Variants in STPG2 observed in about 807,000 individuals in gnomAD.
STPG2 encodes sperm tail PG-rich repeat containing 2.
STPG2 carries 56 observed loss-of-function variants against 54.2 expected under a neutral mutation model. The ratio of observed to expected loss-of-function variants is 1.03; its 90% CI spans 0.83 to 1.29. The LOEUF is 1.29. Ranked by LOEUF, STPG2 falls within the 50% of genes most tolerant of loss-of-function variation. The pLI, the probability that STPG2 is intolerant of heterozygous loss-of-function variation, is 0.00. For synonymous variants in STPG2, 200 were observed against 181.8 expected (o/e 1.10, Z -0.81); for missense variants, 596 against 544.9 (o/e 1.09, Z -0.93).
At chr4:97,488,558 A>G (rs2148825839) in intron 4 of STPG2, among the ~76,000 whole-genome samples, 1 of 151,836 alleles carries the variant, frequency 6.6e-6, no homozygotes, top group South Asian at 2.1e-4. Context: ...GTAGTGAAGA[A>G]TCAATGTTTC....
intron 8 of STPG2, among the ~76,000 whole-genome samples, chr4:97,898,517 G>A (rs529799271): frequency 2.0e-5 from 3 of 151,448 alleles, no homozygotes; most frequent in Non-Finnish European, 3.0e-5. Context: ...AATGTCAAAG[G>A]TATGTTATTT....
chr4:97,930,578 C>A (rs1482273336), intron 8 of STPG2, among the ~76,000 whole-genome samples: 1 of 152,244 alleles, frequency 6.6e-6, no homozygotes. Context: ...TTGGTTACTG[C>A]AACCTGGTAG....
intron 9 of STPG2, among the ~76,000 whole-genome samples, chr4:97,802,631 C>T (rs1017479927): frequency 2.0e-5 from 3 of 152,016 alleles, no homozygotes; most frequent in Non-Finnish European, 4.4e-5. Context: ...CCACCACACC[C>T]GGCTAGTTTT....
intron 10 of STPG2, among the ~76,000 whole-genome samples, chr4:97,710,830 G>A (rs1348287896): frequency 6.6e-6 from 1 of 151,942 alleles, no homozygotes; most frequent in Non-Finnish European, 1.5e-5. Context: ...AATTGGTGTT[G>A]AGAAGACAAA....
chr4:97,737,541 G>A (rs1725050829), intron 9 of STPG2, among the ~76,000 whole-genome samples: 1 of 152,198 alleles, frequency 6.6e-6, no homozygotes, highest in South Asian at 2.1e-4. Flanking sequence ...TGAAAGCCAA[G>A]GCTCGAGAAC....
chr4:97,697,607 G>C (rs1723620317), intron 10 of STPG2, among the ~76,000 whole-genome samples: 1 of 152,172 alleles, frequency 6.6e-6, no homozygotes, highest in Admixed American at 6.5e-5. Context: ...AAAACAAAAA[G>C]GGGGAACTTG....
intron 10 of STPG2, among the ~76,000 whole-genome samples, chr4:97,642,792 A>C (rs1721801048): frequency 6.6e-6 from 1 of 151,574 alleles, no homozygotes; most frequent in East Asian, 1.9e-4. Flanking sequence ...GTTATATATT[A>C]ACTTTTCTTA....
rs545093869 is a variant in STPG2 at position 97,925,079 on chromosome 4, T to C, written c.1044+18818A>G. Among the ~76,000 whole-genome samples the C allele has an allele frequency of 4.6e-5, 7 of 152,346 alleles. No homozygotes were observed. In the South Asian group the frequency reaches 1.5e-3, roughly 32 times the overall value. ...AATGTTATCAACCAAAGAGTAAAGA[T>C]AAAATTATTTCTTTGCAAATCTATT... On this transcript the variant is annotated intron_variant, in intron 8 of 10. Coordinates refer to ENST00000295268, the MANE Select transcript of STPG2 (RefSeq NM_174952.3).
chr4:97,505,523 T>C (rs916153445), intron 4 of STPG2, among the ~76,000 whole-genome samples: 2 of 151,898 alleles, frequency 1.3e-5, no homozygotes, highest in South Asian at 2.1e-4. Flanking sequence ...GCAGATTTAA[T>C]TGGATGCATG....
At chr4:97,587,873 T>C (rs1198112732) in intron 10 of STPG2, among the ~76,000 whole-genome samples, 3 of 152,006 alleles carry the variant, frequency 2.0e-5, no homozygotes, top group Non-Finnish European at 1.5e-5. Context: ...CTGATAGCTG[T>C]GGGCATCAGT....
At chr4:97,606,323 T>A (rs1733590444) in intron 10 of STPG2, among the ~76,000 whole-genome samples, 1 of 151,940 alleles carries the variant, frequency 6.6e-6, no homozygotes, top group South Asian at 2.1e-4. Context: ...CTGGTTTCCT[T>A]ACTGAATATG....
intron 5 of STPG2, among the ~76,000 whole-genome samples, chr4:98,103,252 C>T (rs1431031164): frequency 6.6e-6 from 1 of 152,100 alleles, no homozygotes; most frequent in Non-Finnish European, 1.5e-5. Context: ...AAATATTTTA[C>T]TATGACTAAA....
chr4:97,453,345 T>C (rs1157683570), intron 4 of STPG2, among the ~76,000 whole-genome samples: 1 of 152,188 alleles, frequency 6.6e-6, no homozygotes, highest in Non-Finnish European at 1.5e-5. Context: ...ACCCCACACT[T>C]GCTCACACAC....
At chr4:97,678,577 T>C (rs1395548827) in intron 10 of STPG2, among the ~76,000 whole-genome samples, 1 of 152,072 alleles carries the variant, frequency 6.6e-6, no homozygotes. Context: ...ACTATTATCA[T>C]GCCCATTTTA....
intron 10 of STPG2, among the ~76,000 whole-genome samples, chr4:97,586,526 T>G (rs1733002141): frequency 6.6e-6 from 1 of 151,922 alleles, no homozygotes; most frequent in South Asian, 2.1e-4. Flanking sequence ...AGTCAAATCT[T>G]AATCAAACTT....
At chr4:98,008,753 A>G (rs190888293) in intron 5 of STPG2, among the ~76,000 whole-genome samples, 14 of 152,180 alleles carry the variant, frequency 9.2e-5, no homozygotes, top group Admixed American at 7.2e-4. Context: ...TTGAATATAA[A>G]TGTACCAAAT....
At chr4:97,937,466 C>T (rs540345320) in intron 8 of STPG2, among the ~76,000 whole-genome samples, 1 of 152,242 alleles carries the variant, frequency 6.6e-6, no homozygotes, top group East Asian at 1.9e-4. Flanking sequence ...GCACTCTGTC[C>T]TTTTGAATTT....
At chr4:97,529,614 G>A (rs758602576) in intron 4 of STPG2, among the ~76,000 whole-genome samples, 3 of 151,950 alleles carry the variant, frequency 2.0e-5, no homozygotes, top group Non-Finnish European at 4.4e-5. Context: ...TCTGCTACTG[G>A]GCTTTTCTGG....
At chr4:98,112,527 T>C (rs1447405578) in intron 3 of STPG2, among the ~76,000 whole-genome samples, 2 of 152,164 alleles carry the variant, frequency 1.3e-5, no homozygotes, top group Non-Finnish European at 2.9e-5. Context: ...TCTGTTTCTC[T>C]GCAGAATCCT....
Sources: allele counts gnomAD v4.1 joint callset (sites outside exome capture counted in the v4.1 genomes callset), GRCh38; gene constraint gnomAD v4.1.1; transcripts MANE v1.5; gene names NCBI Gene and HGNC (gene_info 2026-07-23, HGNC 2026-07-21).